Variants in ABCC8 observed in about 807,000 individuals in gnomAD.
ABCC8 encodes the protein ATP-binding cassette sub-family C member 8.
ABCC8 carries 137 observed loss-of-function variants against 188.0 expected under a neutral mutation model. The observed-to-expected ratio is 0.73, with a 90% CI of 0.63 to 0.84. The LOEUF (loss-of-function observed/expected upper bound fraction) is 0.84. Among genes scored for constraint, ABCC8 ranks in the 40% least tolerant of loss-of-function variants. The pLI is 0.00. For missense variants in ABCC8, 1,750 were observed against 2,072.7 expected, an observed-to-expected ratio of 0.84 and a Z score of 3.02; for synonymous variants, 797 against 846.5, an observed-to-expected ratio of 0.94 and a Z score of 1.01.
At chr11:17,412,595 G>GGGAGGT in intron 21 of ABCC8, 71 bp downstream of exon 21, 2 of 1,544,720 alleles carry the variant, frequency 1.3e-6, no homozygotes, top group Non-Finnish European at 1.8e-6. Flanking sequence ...TGGGGTTGCG[G>GGGAGGT]GGAGGTGGAG....
Position 17,397,689 on chromosome 11 carries a change from G to T in ABCC8, c.3862C>A (p.Leu1288Ile). The change falls in exon 31 of 39, where the codon CTA (leucine) becomes ATA (isoleucine). Residue 1288 changes from leucine to isoleucine, a missense_variant. By Grantham distance (5) the Leu-to-Ile change is conservative. Transcript: ENST00000389817. ...GLVGLGLTYA[L>I]MVSNYLNWMV... The stretch of plus-strand genomic sequence containing the variant: ...CCTAGCCCACTGCCGCTCACCATTA[G>T]GGCGTAGGTAAGGCCCAGGCCCACC... 1 of 1,612,394 alleles carries T rather than the reference G, an allele frequency of 6.2e-7. No homozygotes were observed.
In ABCC8 at chr11:17,476,505, C is replaced by T; in HGVS notation, c.148+124G>A. ...GCGGGCAGGACACAGGGCAGGGGAC[C>T]CCGGGAACGAGGCGGACGGCGGTCG... On this transcript the variant is annotated intron_variant, in intron 1 of 38. Transcript: ENST00000389817. The T allele has an allele frequency of 4.8e-6, 6 of 1,247,476 alleles. 1 individual carries two copies. The South Asian group carries it at 8.8e-5, about 18-fold the overall frequency. The allele number at this position is 1,247,476 out of a possible 1,614,324, so 77.3% of individuals were successfully genotyped here.
chr11:17,423,356 C>CAAAAACA (rs1955437308), intron 16 of ABCC8, among the ~76,000 whole-genome samples: 1 of 63,344 alleles, frequency 1.6e-5, no homozygotes, highest in African/African-American at 6.5e-5. Flanking sequence ...GACTCCGTCT[C>CAAAAACA]AAAAAAAAAA....
At chr11:17,399,274 TC>T (rs1260976103) in intron 29 of ABCC8, among the ~76,000 whole-genome samples, 250 of 20,226 alleles carry the variant, frequency 0.012, 2 homozygotes, top group Non-Finnish European at 0.015. Context: ...AGACTCTGCC[TC>T]AAAAAAAAAA....
chr11:17,476,584 C>G (rs1243886003), intron 1 of ABCC8, 45 bp downstream of exon 1: 7 of 1,598,930 alleles, frequency 4.4e-6, no homozygotes, highest in Admixed American at 1.7e-5. Context: ...CTCCTCCCTC[C>G]CTGCTCTCCC....
intron 22 of ABCC8, among the ~76,000 whole-genome samples, chr11:17,409,011 T>C (rs1003859629): frequency 6.8e-6 from 1 of 147,154 alleles, no homozygotes; most frequent in Non-Finnish European, 1.5e-5. Flanking sequence ...TGGGGTGCAA[T>C]GGCACCATCT....
intron 8 of ABCC8, among the ~76,000 whole-genome samples, chr11:17,445,420 T>C (rs532647274): frequency 4.6e-5 from 7 of 152,322 alleles, no homozygotes; most frequent in Non-Finnish European, 7.3e-5. Flanking sequence ...TCTGTGAATA[T>C]AGGACACTAA....
In ABCC8 at chr11:17,404,856, G is replaced by C. The variant is rs191675547; in HGVS notation, c.3400-187C>G. Reference sequence around the variant, plus strand: ...GGTTCACGGCAGCCTCTGCCCCTTGGGTTCAAATGATTCTCCTGCCTCAGC... The same window carrying C: ...GGTTCACGGCAGCCTCTGCCCCTTGCGTTCAAATGATTCTCCTGCCTCAGC... On this transcript the variant is annotated intron_variant, in intron 27 of 38. Coordinates refer to ENST00000389817, the MANE Select transcript of ABCC8 (RefSeq NM_000352.6). This position sits in a 1 kb window ranked among gnomAD's most constrained non-coding sequence, Gnocchi z 4.7. The C allele has an allele frequency of 2.5e-5, 11 of 445,514 alleles. No homozygotes were observed. Among genetic ancestry groups the C allele is most frequent in the Non-Finnish European group, 3.3e-5 (11 of 336,396 alleles). The allele number at this position is 445,514 out of a possible 1,614,324, so 27.6% of individuals were successfully genotyped here. A position where few individuals can be genotyped will look rare whatever the true frequency, so the allele number is the denominator to read the frequency against.
intron 29 of ABCC8, chr11:17,399,146 C>A (rs1415428638): frequency 1.3e-5 from 2 of 152,554 alleles, no homozygotes; most frequent in Admixed American, 1.3e-4. Context: ...GTGGTGCACA[C>A]CTGTAATCCC....
chr11:17,406,698 C>T lies in ABCC8; in HGVS notation c.3253G>A (p.Val1085Met), dbSNP rs1048550519. The change falls in exon 26 of 39, where the codon GTG (valine) becomes ATG (methionine). Residue 1085 changes from valine to methionine, a missense_variant. Transcript: ENST00000389817. ...GCCACCTTCAGCCCTGTCCACTCCACAGTGACAGACGTGACGAGGCACAGC... is the reference window on the plus strand; with the variant it reads ...GCCACCTTCAGCCCTGTCCACTCCATAGTGACAGACGTGACGAGGCACAGC... ...IVLCLVTSVT[V>M]EWTGLKVAKR... The T allele has an allele frequency of 6.2e-7, 1 of 1,614,236 alleles. No homozygotes were observed. Among genetic ancestry groups the T allele is most frequent in the Non-Finnish European group, 8.5e-7 (1 of 1,180,048 alleles).
At chr11:17,465,996 G>T (rs548998070) in intron 3 of ABCC8, among the ~76,000 whole-genome samples, 1 of 152,210 alleles carries the variant, frequency 6.6e-6, no homozygotes, top group African/African-American at 2.4e-5. Context: ...AACAAAATGT[G>T]GCATATCCAT....
Position 17,415,325 on chromosome 11 carries a change from G to C in ABCC8, c.2270C>G (p.Thr757Arg), listed in dbSNP as rs757961130. ...IGEDPSPERE[T>R]ATDLDIRKRG... ...GTACCTGATATCCAAGTCGGTCGCTGTCTCCCGCTCTGGGCTGCAGCAGGG... is the reference window on the plus strand; with the variant it reads ...GTACCTGATATCCAAGTCGGTCGCTCTCTCCCGCTCTGGGCTGCAGCAGGG... Residue 757 changes from threonine to arginine, a missense_variant, in exon 18 of 39, where the codon ACA becomes AGA. Thr to Arg is a moderately conservative substitution (Grantham distance 71). Transcript: ENST00000389817. 1.6e-5 allele frequency: 26 copies of C among 1,610,612 alleles called. No homozygotes were observed. In the Admixed American group the frequency reaches 4.4e-4, roughly 27 times the overall value.
intron 6 of ABCC8, among the ~76,000 whole-genome samples, chr11:17,456,888 TG>T (rs1339393341): frequency 6.6e-6 from 1 of 152,320 alleles, no homozygotes; most frequent in Admixed American, 6.5e-5. Flanking sequence ...CCATTTCCCG[TG>T]CATCTCCTGG....
chr11:17,434,551 G>A (rs1168171805), intron 10 of ABCC8, among the ~76,000 whole-genome samples: 1 of 152,152 alleles, frequency 6.6e-6, no homozygotes, highest in Admixed American at 6.5e-5. Flanking sequence ...AAATAAACTG[G>A]AAATGTCCAA....
intron 29 of ABCC8, among the ~76,000 whole-genome samples, chr11:17,399,301 A>T (rs111442990): frequency 1.5e-5 from 2 of 136,302 alleles, no homozygotes; most frequent in Admixed American, 1.6e-4. Flanking sequence ...AAAAAAAAAA[A>T]AAACAAATAA....
At chr11:17,439,009 G>A (rs890755134) in intron 10 of ABCC8, among the ~76,000 whole-genome samples, 1 of 152,222 alleles carries the variant, frequency 6.6e-6, no homozygotes, top group Admixed American at 6.5e-5. Flanking sequence ...TTCTGTGCAT[G>A]TTAGCTCTGA....
At position 17,395,225 on chromosome 11, in the gene ABCC8, G is replaced by C; in HGVS notation, c.4358C>G (p.Ala1453Gly). 6 of 1,598,920 alleles carry C rather than the reference G, an allele frequency of 3.8e-6. No individual in the cohort carries two copies. The highest frequency in any genetic ancestry group is 5.1e-6 in the Non-Finnish European group (6 of 1,171,608). Residue 1453 changes from alanine (A) to glycine (G), a missense_variant, in exon 36 of 39, where the codon GCC (alanine) becomes GGC (glycine). Physicochemically the swap from Ala to Gly is moderately conservative, Grantham distance 60 (BLOSUM62 0). Transcript: ENST00000389817. ...CAGCTTCAGCTGGGCGATTTCCAGGGCCTCCCACAGTGTGCTATCTGAGCA... is the reference window on the plus strand; with the variant it reads ...CAGCTTCAGCTGGGCGATTTCCAGGCCCTCCCACAGTGTGCTATCTGAGCA... ...RKCSDSTLWE[A>G]LEIAQLKLVV...
Position 17,402,845 on chromosome 11 carries a change from G to C in ABCC8, c.3558-92C>G, listed in dbSNP as rs542142930. ...TAGCTCCACCTGCTACCGCTGTGTGGGTGAATGGCCTTACCTCTCTAGGCC... is the reference window on the plus strand; with the variant it reads ...TAGCTCCACCTGCTACCGCTGTGTGCGTGAATGGCCTTACCTCTCTAGGCC... On this transcript the variant is annotated intron_variant, in intron 28 of 38. Transcript: ENST00000389817. The C allele has an allele frequency of 1.4e-5, 21 of 1,500,700 alleles. No homozygotes were observed. The Admixed American group carries it at 1.7e-4, about 12-fold the overall frequency. 93.0% of individuals were successfully genotyped at this position (1,500,700 alleles called of 1,614,324 possible). A position where few individuals can be genotyped will look rare whatever the true frequency, so the allele number is the denominator to read the frequency against.
chr11:17,413,152 T>C (rs1954897348), intron 20 of ABCC8, among the ~76,000 whole-genome samples: 1 of 152,154 alleles, frequency 6.6e-6, no homozygotes, highest in Non-Finnish European at 1.5e-5. Context: ...AGTGTATACC[T>C]GGGGTGCAAA....
Sources: allele counts gnomAD v4.1 joint callset (sites outside exome capture counted in the v4.1 genomes callset), GRCh38; gene constraint gnomAD v4.1.1; non-coding constraint Gnocchi (gnomAD v3.1); transcripts MANE v1.5; gene names NCBI Gene and HGNC (gene_info 2026-07-23, HGNC 2026-07-21).